Variants in RBM27 observed in about 807,000 individuals in gnomAD.
The protein encoded by RBM27 is RNA binding motif protein 27, also known as RNA-binding protein 27.
A neutral mutation model predicts 135.3 loss-of-function variants in RBM27; 22 were observed. The ratio of observed to expected loss-of-function variants is 0.16; its 90% CI spans 0.12 to 0.23. The LOEUF is 0.23. Among genes scored for constraint, RBM27 ranks in the 10% least tolerant of loss-of-function variants. The pLI, the probability that RBM27 is intolerant of heterozygous loss-of-function variation, is 1.00. For missense variants in RBM27, 1,009 were observed against 1,281.0 expected, an observed-to-expected ratio of 0.79 and a Z score of 3.24; for synonymous variants, 481 against 442.4, an observed-to-expected ratio of 1.09 and a Z score of -1.10.
chr5:146,233,067 T>C (rs1307886811), intron 6 of RBM27, among the ~76,000 whole-genome samples: 2 of 152,208 alleles, frequency 1.3e-5, no homozygotes, highest in Admixed American at 1.3e-4. Context: ...TGAGAATAGA[T>C]TGAGAGTAAA....
At chr5:146,242,823 C>T (rs944079155) in intron 8 of RBM27, among the ~76,000 whole-genome samples, 1 of 152,100 alleles carries the variant, frequency 6.6e-6, no homozygotes, top group South Asian at 2.1e-4. Flanking sequence ...GTCCCAAACT[C>T]CCGACCTCAG....
At chr5:146,233,411 G>T in intron 6 of RBM27, 39 bp from the exon 7 acceptor site, 2 of 1,497,122 alleles carry the variant, frequency 1.3e-6, no homozygotes, top group South Asian at 2.8e-5. Flanking sequence ...ACTCTAAGTA[G>T]ATGATAATAA....
At chr5:146,204,536 G>C (rs1376234129) in intron 1 of RBM27, among the ~76,000 whole-genome samples, 1 of 152,164 alleles carries the variant, frequency 6.6e-6, no homozygotes, top group Non-Finnish European at 1.5e-5. Flanking sequence ...TAGATACATA[G>C]AGGTTGGAAA....
chr5:146,215,831 A>T (rs1416708492), intron 1 of RBM27, among the ~76,000 whole-genome samples: 1 of 151,548 alleles, frequency 6.6e-6, no homozygotes, highest in Non-Finnish European at 1.5e-5. Flanking sequence ...GCTCACTGCA[A>T]CCTCTGCCTC....
At position 146,233,504 on chromosome 5, in the gene RBM27, C is replaced by A; in HGVS notation, c.905C>A (p.Pro302His). 1 of 1,607,812 alleles carries A rather than the reference C, an allele frequency of 6.2e-7. No individual in the cohort carries two copies. Among genetic ancestry groups the A allele is most frequent in the Non-Finnish European group, 8.5e-7 (1 of 1,177,714 alleles). ...TGTCAGTTTGATCATGGAAATGATC[C>A]CCTAGTTGTTGATGAAGTTGCTCTG... ...DLCQFDHGND[P>H]LVVDEVALPS... Residue 302 changes from proline (P) to histidine (H), a missense_variant, in exon 7 of 21, where the codon CCC becomes CAC. Coordinates refer to ENST00000265271, the MANE Select transcript of RBM27 (RefSeq NM_018989.2).
chr5:146,275,907 A>G (rs114836850), intron 19 of RBM27, among the ~76,000 whole-genome samples: 5 of 152,182 alleles, frequency 3.3e-5, no homozygotes, highest in Non-Finnish European at 2.9e-5. Context: ...CAAGAAGTCT[A>G]GAGTTAGGTT....
intron 9 of RBM27, 77 bp from the exon 10 acceptor site, chr5:146,254,866 G>GTTTATT (rs377314345): frequency 7.8e-7 from 1 of 1,279,484 alleles, no homozygotes. Flanking sequence ...TTAAGCAGTT[G>GTTTATT]TTTATTTTAT....
In RBM27 at chr5:146,221,360, C is replaced by T. The variant is rs1316023937; in HGVS notation, c.179-2043C>T. ...AGAACTTTGTGCATATGGTCTATAT[C>T]TGTACTTTCCATTTCAGTAGCCATT... On this transcript the variant is annotated intron_variant, in intron 2 of 20. Transcript: ENST00000265271. 2.0e-5 allele frequency among the ~76,000 whole-genome samples: 3 copies of T among 152,164 alleles called. No individual in the cohort carries two copies. In the East Asian group the frequency reaches 5.8e-4, roughly 29 times the overall value.
chr5:146,228,900 A>C (rs758995108), intron 3 of RBM27, 46 bp from the exon 4 acceptor site: 3 of 1,521,260 alleles, frequency 2.0e-6, no homozygotes, highest in South Asian at 2.3e-5. Flanking sequence ...GGTGTGAGCC[A>C]CCGTGCCTGG....
Position 146,271,607 on chromosome 5 carries a change from G to T in RBM27, c.2921G>T (p.Arg974Leu). Residue 974 changes from arginine (R) to leucine (L), a missense_variant, in exon 19 of 21, where the codon CGT becomes CTT. This residue lies in a region of RBM27 where 355 missense variants were observed against 427.3 expected (regional missense o/e 0.83). Coordinates refer to ENST00000265271, the MANE Select transcript of RBM27 (RefSeq NM_018989.2). ...CTAAATCACATGGTGGTGGACCATC[G>T]TCCCAAAGCACTAACAGTTGGAGGA... ...GSLNHMVVDHRPKALTVGGFI... is the reference protein window; with the variant it reads ...GSLNHMVVDHLPKALTVGGFI... 3 of 1,613,974 alleles carry T rather than the reference G, an allele frequency of 1.9e-6. No homozygotes were observed. The highest frequency in any genetic ancestry group is 1.7e-6 in the Non-Finnish European group (2 of 1,179,882).
At position 146,233,875 on chromosome 5, in the gene RBM27, A is replaced by G. The variant is rs1272981244; in HGVS notation, c.1144+132A>G. The G allele has an allele frequency of 5.4e-6, 3 of 559,426 alleles. No homozygotes were observed. In the East Asian group the frequency reaches 1.0e-4, roughly 19 times the overall value. 34.7% of individuals were successfully genotyped at this position (559,426 alleles called of 1,614,324 possible). A position where few individuals can be genotyped will look rare whatever the true frequency, so the allele number is the denominator to read the frequency against. The stretch of plus-strand genomic sequence containing the variant: ...ATATAATTTGGAATATATTCCCATA[A>G]TTAAGATGCTATTCTTTTCTTTTTT... On this transcript the variant is annotated intron_variant, in intron 7 of 20. Transcript: ENST00000265271.
At chr5:146,258,639 T>C in intron 11 of RBM27, 46 bp downstream of exon 11, 1 of 1,414,752 alleles carries the variant, frequency 7.1e-7, no homozygotes, top group Non-Finnish European at 9.3e-7. Flanking sequence ...TATTGTCGTT[T>C]GCATTGGTAA....
intron 9 of RBM27, among the ~76,000 whole-genome samples, chr5:146,253,240 C>T (rs886449254): frequency 2.0e-5 from 3 of 152,132 alleles, no homozygotes; most frequent in Non-Finnish European, 4.4e-5. Context: ...TCGTGATCTG[C>T]CCACCTTGGC....
At chr5:146,228,668 A>G (rs986367496) in intron 3 of RBM27, among the ~76,000 whole-genome samples, 1 of 152,016 alleles carries the variant, frequency 6.6e-6, no homozygotes, top group Non-Finnish European at 1.5e-5. Flanking sequence ...TGGTGTGATC[A>G]TGGCTTAATG....
intron 14 of RBM27, among the ~76,000 whole-genome samples, chr5:146,264,032 G>A (rs570546536): frequency 8.3e-4 from 125 of 150,930 alleles, no homozygotes; most frequent in East Asian, 1.0e-3. Context: ...ACTTGAACCC[G>A]AAGGAGGAGG....
chr5:146,203,880 G>T, intron 1 of RBM27, 56 bp downstream of exon 1: 1 of 1,471,832 alleles, frequency 6.8e-7, no homozygotes. Context: ...GGGCTCGCGG[G>T]GGCGTGGGGG....
intron 19 of RBM27, among the ~76,000 whole-genome samples, chr5:146,272,078 A>G (rs1581233770): frequency 6.6e-6 from 1 of 152,256 alleles, no homozygotes; most frequent in African/African-American, 2.4e-5. Flanking sequence ...AAACATGCAA[A>G]TAGAGATTTG....
rs144876681 is a variant in RBM27, at chr5:146,279,860, T to G, written c.2989-4762T>G. Among the ~76,000 whole-genome samples the G allele has an allele frequency of 4.3e-3, 654 of 152,104 alleles. 3 individuals carry two copies. Among genetic ancestry groups the G allele is most frequent in the African/African-American group, 0.015 (632 of 41,496 alleles). The stretch of plus-strand genomic sequence containing the variant: ...AATAAAAGTAAAATCTCCCTTTTAT[T>G]AATCTTTTTCCATTCTTAAAAGATA... On this transcript the variant is annotated intron_variant, in intron 19 of 20. Coordinates refer to ENST00000265271, the MANE Select transcript of RBM27 (RefSeq NM_018989.2).
intron 10 of RBM27, 23 bp downstream of exon 10, chr5:146,255,115 C>G: frequency 6.3e-7 from 1 of 1,595,776 alleles, no homozygotes; most frequent in South Asian, 1.1e-5. Flanking sequence ...TGAACTTTTT[C>G]TGATGCTAAG....
Sources: gnomAD v4.1 joint callset for allele counts (sites outside exome capture counted in the v4.1 genomes callset) on GRCh38, gnomAD v4.1.1 for gene constraint, gnomAD v4.1.1 regional missense constraint, MANE v1.5 for transcripts, NCBI Gene and HGNC (gene_info 2026-07-23, HGNC 2026-07-21) for gene names.